Variants in ADAM7 observed in about 807,000 individuals in gnomAD.
ADAM7 encodes disintegrin and metalloproteinase domain-containing protein 7.
ADAM7 carries 97 observed loss-of-function variants against 102.9 expected under a neutral mutation model. The observed-to-expected ratio is 0.94, with a 90% confidence interval of 0.80 to 1.12. The LOEUF (loss-of-function observed/expected upper bound fraction) is 1.12. Among genes scored for constraint, ADAM7 ranks in the 50% most tolerant of loss-of-function variants. The pLI is 0.00. For synonymous variants in ADAM7, 334 were observed against 304.4 expected (o/e 1.10, Z -1.01); for missense variants, 991 against 908.7 (o/e 1.09, Z -1.16).
intron 7 of ADAM7, among the ~76,000 whole-genome samples, chr8:24,471,108 AT>A (rs1182172052): frequency 1.3e-5 from 2 of 152,096 alleles, no homozygotes; most frequent in Non-Finnish European, 2.9e-5. Flanking sequence ...GTAAAAATAA[AT>A]TAAAAAACAG....
At chr8:24,505,873 G>A (rs965605233) in intron 20 of ADAM7, among the ~76,000 whole-genome samples, 7 of 152,108 alleles carry the variant, frequency 4.6e-5, no homozygotes, top group African/African-American at 4.8e-5. Flanking sequence ...GTCAATTAGC[G>A]ATAGTAAGAT....
intron 2 of ADAM7, among the ~76,000 whole-genome samples, chr8:24,444,072 A>C (rs1818466928): frequency 6.6e-6 from 1 of 151,538 alleles, no homozygotes; most frequent in South Asian, 2.1e-4. Flanking sequence ...ATGCTCAAAC[A>C]GACAAAACAA....
chr8:24,475,830 T>A (rs1021577721), intron 7 of ADAM7: 2 of 423,698 alleles, frequency 4.7e-6, no homozygotes, highest in Admixed American at 5.3e-5. Flanking sequence ...TGATACAAGA[T>A]CCCGATAGTA....
At position 24,466,889 on chromosome 8, in the gene ADAM7, G is replaced by T. The variant is rs1377350719; in HGVS notation, c.480G>T (p.Leu160=). ...AACATTTGGTGTTCAAATATAACCT[G>T]AGGGTGCCGTATGGTGCCAATTATT... ...EGEHLVFKYN[L]RVPYGANYSC... Residue 160 remains leucine, a synonymous_variant, in exon 6 of 22, where the codon CTG becomes CTT. Transcript: ENST00000175238. 12 of 1,614,058 alleles carry T rather than the reference G, an allele frequency of 7.4e-6. No homozygotes were observed. The highest frequency in any genetic ancestry group is 9.3e-6 in the Non-Finnish European group (11 of 1,179,940).
chr8:24,499,452 A>G (rs1820672052), intron 17 of ADAM7, 136 bp downstream of exon 17: 6 of 627,740 alleles, frequency 9.6e-6, no homozygotes, highest in African/African-American at 1.9e-5. Context: ...TTTGGGATTC[A>G]TTTTTTCATG....
intron 2 of ADAM7, 80 bp from the exon 3 acceptor site, chr8:24,447,106 C>T (rs1818588415): frequency 1.5e-6 from 1 of 667,760 alleles, no homozygotes; most frequent in Non-Finnish European, 2.4e-6. Context: ...AGATAGGGAA[C>T]ATTCACCCAA....
At chr8:24,472,461 C>T (rs929280090) in intron 7 of ADAM7, among the ~76,000 whole-genome samples, 3 of 151,806 alleles carry the variant, frequency 2.0e-5, no homozygotes, top group African/African-American at 7.3e-5. Flanking sequence ...AATTAAACCA[C>T]TAAAAGACTA....
chr8:24,451,111 C>CT (rs1818769956), intron 3 of ADAM7, among the ~76,000 whole-genome samples: 1 of 151,840 alleles, frequency 6.6e-6, no homozygotes, highest in East Asian at 1.9e-4. Context: ...CTAAAATTCT[C>CT]TTTTTTGGTT....
intron 2 of ADAM7, among the ~76,000 whole-genome samples, chr8:24,446,869 A>C (rs933331169): frequency 1.3e-5 from 2 of 148,982 alleles, no homozygotes; most frequent in African/African-American, 4.9e-5. Flanking sequence ...ACTATATTAT[A>C]ACATGCTATG....
At chr8:24,485,410 TTGTAA>T (rs1563389438) in intron 10 of ADAM7, 49 bp downstream of exon 10, 1 of 1,548,716 alleles carries the variant, frequency 6.5e-7, no homozygotes, top group Non-Finnish European at 8.9e-7. Context: ...AATAAAATTG[TTGTAA>T]TGTCCTGGGT....
intron 3 of ADAM7, among the ~76,000 whole-genome samples, chr8:24,447,830 GC>G (rs1818620348): frequency 6.6e-6 from 1 of 151,914 alleles, no homozygotes; most frequent in South Asian, 2.1e-4. Flanking sequence ...CTGTCTCAGA[GC>G]CCCAGATATT....
intron 7 of ADAM7, 87 bp downstream of exon 7, chr8:24,468,907 A>G: frequency 7.9e-7 from 1 of 1,269,836 alleles, no homozygotes; most frequent in Non-Finnish European, 1.1e-6. Context: ...AGGTATTCTA[A>G]TCAGAGTTCT....
chr8:24,482,367 C>G, intron 9 of ADAM7, 56 bp downstream of exon 9: 3 of 1,438,278 alleles, frequency 2.1e-6, no homozygotes, highest in South Asian at 2.6e-5. Context: ...CAAAAGAAAA[C>G]AAAAAAAAAT....
In ADAM7 at chr8:24,482,284, A is replaced by G. The variant is rs1217836849; in HGVS notation, c.848A>G (p.Lys283Arg). 7 of 1,611,474 alleles carry G rather than the reference A, an allele frequency of 4.3e-6. 1 individual carries two copies. In the South Asian group the frequency reaches 7.8e-5, roughly 18 times the overall value. The change falls in exon 9 of 22, where the codon AAG becomes AGG. Residue 283 changes from lysine (K) to arginine (R), a missense_variant. Lys to Arg is a conservative substitution (Grantham distance 26). Transcript: ENST00000175238. ...CAAGAAAAGATCCTTAAAACACGGA[A>G]GGATTTTGATCATGTTGTATTACTC... ...FWQEKILKTRKDFDHVVLLSG... is the reference protein window; with the variant it reads ...FWQEKILKTRRDFDHVVLLSG...
At chr8:24,468,708 A>T in intron 6 of ADAM7, 59 bp from the exon 7 acceptor site, 1 of 1,488,402 alleles carries the variant, frequency 6.7e-7, no homozygotes, top group Non-Finnish European at 9.3e-7. Flanking sequence ...TTTCCAACTT[A>T]AAGGGTTAAG....
At chr8:24,489,120 A>T (rs1412028405) in intron 11 of ADAM7, 39 bp from the exon 12 acceptor site, 4 of 1,560,610 alleles carry the variant, frequency 2.6e-6, no homozygotes, top group Non-Finnish European at 3.5e-6. Flanking sequence ...CTATGCATTG[A>T]TATGATTAAT....
chr8:24,499,132 G>C, intron 16 of ADAM7, 104 bp from the exon 17 acceptor site: 1 of 822,634 alleles, frequency 1.2e-6, no homozygotes, highest in Non-Finnish European at 1.8e-6. Flanking sequence ...TTTTTCATAT[G>C]TAAATTACAT....
chr8:24,469,659 C>T (rs959589080), intron 7 of ADAM7, among the ~76,000 whole-genome samples: 1 of 151,900 alleles, frequency 6.6e-6, no homozygotes, highest in African/African-American at 2.4e-5. Context: ...TGTAAATCAT[C>T]CAATGATATT....
chr8:24,476,803 C>T (rs1819782426), intron 8 of ADAM7, among the ~76,000 whole-genome samples: 1 of 152,156 alleles, frequency 6.6e-6, no homozygotes, highest in African/African-American at 2.4e-5. Flanking sequence ...CCAAATCACA[C>T]TACTTTAAAT....
Sources: allele counts gnomAD v4.1 joint callset (sites outside exome capture counted in the v4.1 genomes callset), GRCh38; gene constraint gnomAD v4.1.1; transcripts MANE v1.5; gene names NCBI Gene and HGNC (gene_info 2026-07-23, HGNC 2026-07-21).